STOX2: variants seen among roughly 807,000 people sequenced by gnomAD.
STOX2 encodes storkhead box 2, also known as storkhead-box protein 2.
Under a neutral mutation model 60.9 loss-of-function variants are expected in STOX2, and 28 were observed. The observed-to-expected ratio is 0.46, with a 90% CI of 0.34 to 0.63. The LOEUF (loss-of-function observed/expected upper bound fraction) is 0.63, where lower values mean the gene tolerates loss of function less well. Among genes scored for constraint, STOX2 ranks in the 30% least tolerant of loss-of-function variants. The pLI is 0.01. For missense variants in STOX2, 1,024 were observed against 1,187.7 expected, an observed-to-expected ratio of 0.86 and a Z score of 2.03; for synonymous variants, 472 against 463.9, an observed-to-expected ratio of 1.02 and a Z score of -0.22.
intron 1 of STOX2, among the ~76,000 whole-genome samples, chr4:183,892,281 T>C (rs758818231): frequency 1.3e-5 from 2 of 152,104 alleles, no homozygotes; most frequent in Non-Finnish European, 1.5e-5. Flanking sequence ...CCTGCTTCCA[T>C]AGGTGTAATT....
chr4:183,798,359 C>T (rs946081239), intron 1 of STOX2, among the ~76,000 whole-genome samples: 4 of 150,674 alleles, frequency 2.7e-5, no homozygotes, highest in African/African-American at 9.7e-5. Flanking sequence ...GCTCGGCGGG[C>T]GGCTCGGAGG....
chr4:183,907,970 CTG>C (rs1234641049), intron 1 of STOX2, among the ~76,000 whole-genome samples: 1 of 152,234 alleles, frequency 6.6e-6, no homozygotes, highest in Non-Finnish European at 1.5e-5. Context: ...CCAAATCACT[CTG>C]AGCCCTGTCT....
At chr4:183,928,358 A>G (rs1742307267) in intron 1 of STOX2, among the ~76,000 whole-genome samples, 2 of 152,184 alleles carry the variant, frequency 1.3e-5, no homozygotes, top group African/African-American at 4.8e-5. Flanking sequence ...ACAAAATGAA[A>G]CAGCAAAAAA....
chr4:183,884,261 A>G (rs1269293080), intron 1 of STOX2, among the ~76,000 whole-genome samples: 1 of 151,924 alleles, frequency 6.6e-6, no homozygotes, highest in Non-Finnish European at 1.5e-5. Flanking sequence ...TTGTCACCAC[A>G]GAAAAGGAGA....
intron 1 of STOX2, among the ~76,000 whole-genome samples, chr4:183,822,524 C>T (rs1470106534): frequency 6.6e-6 from 1 of 152,214 alleles, no homozygotes. Flanking sequence ...AGTGACAGAT[C>T]ATCAGGCATT....
In STOX2 at chr4:183,863,485, C is replaced by T. The variant is rs535226749; in HGVS notation, c.364+65430C>T. ...AACATTTGTAAAGCACTTCCATATG[C>T]GTAGAATGAAGACTCTGGATGAATG... On this transcript the variant is annotated intron_variant, in intron 1 of 2. Transcript: ENST00000513034. 3.9e-5 allele frequency among the ~76,000 whole-genome samples: 6 copies of T among 152,266 alleles called. No homozygotes were observed. In the South Asian group the frequency reaches 6.2e-4, roughly 16 times the overall value.
intron 3 of STOX2, among the ~76,000 whole-genome samples, chr4:184,016,669 A>G (rs1734388864): frequency 6.6e-6 from 1 of 152,180 alleles, no homozygotes; most frequent in Admixed American, 6.5e-5. Context: ...ATTAGGATAA[A>G]ATTATCGAGT....
At chr4:183,877,916 T>C (rs1441351569) in intron 1 of STOX2, among the ~76,000 whole-genome samples, 1 of 152,100 alleles carries the variant, frequency 6.6e-6, no homozygotes, top group African/African-American at 2.4e-5. Flanking sequence ...TCTTGAACTC[T>C]TGACCCCAAG....
rs1459336173 is a variant in STOX2 at position 183,821,073 on chromosome 4, C to CTCCA, written c.364+23019_364+23022dup. On this transcript the variant is annotated intron_variant, in intron 1 of 2. Transcript: ENST00000513034. This position sits in a 1 kb window ranked among gnomAD's most constrained non-coding sequence, Gnocchi z 4.2. Reference sequence around the variant, plus strand: ...AGTGAGCTGTGATTGTGCCACTGTACTCCAGCCTCTGGCAACAGAGTGAGA... The same window carrying CTCCA: ...AGTGAGCTGTGATTGTGCCACTGTACTCCATCCAGCCTCTGGCAACAGAGTGAGA... Among the ~76,000 whole-genome samples, 2 of 152,130 alleles carry CTCCA rather than the reference C, an allele frequency of 1.3e-5. No homozygotes were observed. Among genetic ancestry groups the CTCCA allele is most frequent in the African/African-American group, 2.4e-5 (1 of 41,418 alleles).
At chr4:183,966,670 A>G (rs1325993898) in intron 1 of STOX2, among the ~76,000 whole-genome samples, 2 of 152,212 alleles carry the variant, frequency 1.3e-5, no homozygotes, top group Admixed American at 6.5e-5. Context: ...GAGGCGTGCA[A>G]TTTAGAGTAG....
intron 1 of STOX2, among the ~76,000 whole-genome samples, chr4:183,964,486 G>T (rs1743503061): frequency 1.3e-5 from 2 of 151,728 alleles, no homozygotes; most frequent in African/African-American, 2.4e-5. Context: ...TTGAAAGTTT[G>T]TTACTTGTAG....
chr4:183,997,298 A>G (rs1448951490), intron 1 of STOX2, among the ~76,000 whole-genome samples: 2 of 152,232 alleles, frequency 1.3e-5, no homozygotes, highest in Non-Finnish European at 2.9e-5. Flanking sequence ...GGCACAAAAA[A>G]TACAAAGGCC....
intron 1 of STOX2, among the ~76,000 whole-genome samples, chr4:183,860,952 T>C (rs1430538756): frequency 6.6e-6 from 1 of 152,176 alleles, no homozygotes; most frequent in African/African-American, 2.4e-5. Flanking sequence ...ATTAGTTGTT[T>C]GCAAAGGGAT....
intron 1 of STOX2, among the ~76,000 whole-genome samples, chr4:183,919,715 C>A (rs1742044206): frequency 6.6e-6 from 1 of 152,042 alleles, no homozygotes; most frequent in African/African-American, 2.4e-5. Flanking sequence ...AAGCAATCCT[C>A]CCCCCTCGGC....
At chr4:183,839,810 G>GT (rs1229487807) in intron 1 of STOX2, among the ~76,000 whole-genome samples, 17 of 152,148 alleles carry the variant, frequency 1.1e-4, no homozygotes, top group African/African-American at 4.1e-4. Context: ...ACCTAATGTT[G>GT]TGCAGATTGC....
chr4:183,988,158 GACAA>G (rs1191526797), intron 1 of STOX2: 2 of 152,210 alleles, frequency 1.3e-5, no homozygotes, highest in African/African-American at 2.4e-5. Context: ...AGCCTGCACA[GACAA>G]ACAGAGGCTG....
intron 1 of STOX2, among the ~76,000 whole-genome samples, chr4:183,859,168 G>A (rs1740371799): frequency 1.3e-5 from 2 of 152,166 alleles, no homozygotes; most frequent in Non-Finnish European, 2.9e-5. Context: ...GGATCCCACG[G>A]TGCCTTGCTC....
chr4:183,843,102 C>T (rs1376911732), intron 1 of STOX2, among the ~76,000 whole-genome samples: 8 of 146,152 alleles, frequency 5.5e-5, no homozygotes, highest in African/African-American at 1.0e-4. Context: ...GAGCCAAGAT[C>T]GCGCCACCGT....
At chr4:183,943,316 C>T (rs1035886948) in intron 1 of STOX2, among the ~76,000 whole-genome samples, 1 of 152,034 alleles carries the variant, frequency 6.6e-6, no homozygotes, top group African/African-American at 2.4e-5. Flanking sequence ...TAACAGAAAA[C>T]ACCTTTTTCA....
Sources: allele counts gnomAD v4.1 joint callset (sites outside exome capture counted in the v4.1 genomes callset), GRCh38; gene constraint gnomAD v4.1.1; non-coding constraint Gnocchi (gnomAD v3.1); transcripts MANE v1.5; gene names NCBI Gene and HGNC (gene_info 2026-07-23, HGNC 2026-07-21).